The following THADA variants were observed in gnomAD, a reference collection of about 807,000 sequenced individuals.
The protein encoded by THADA is tRNA (32-2'-O)-methyltransferase regulator THADA.
THADA carries 213 observed loss-of-function variants against 219.8 expected under a neutral mutation model. The ratio of observed to expected loss-of-function variants is 0.97; its 90% CI spans 0.87 to 1.09. The LOEUF is 1.09. THADA is among the 50% of genes least tolerant of loss of function. The pLI is 0.00. For missense variants in THADA, 2,956 were observed against 2,311.3 expected, an observed-to-expected ratio of 1.28 and a Z score of -5.72; for synonymous variants, 1,018 against 828.9, an observed-to-expected ratio of 1.23 and a Z score of -3.92.
chr2:43,313,892 G>C lies in THADA; in HGVS notation c.4438+6554C>G, dbSNP rs116442117. Among the ~76,000 whole-genome samples the C allele has an allele frequency of 9.8e-3, 1,499 of 152,338 alleles. 25 individuals carry two copies. The highest frequency in any genetic ancestry group is 0.034 in the African/African-American group (1,425 of 41,574). ...CAGTGAGGGCAGCTGGAGAGCTCAGGATCTGCCACCTTAGCACACATGGGA... is the reference window on the plus strand; with the variant it reads ...CAGTGAGGGCAGCTGGAGAGCTCAGCATCTGCCACCTTAGCACACATGGGA... On this transcript the variant is annotated intron_variant, in intron 31 of 37. Transcript: ENST00000405975.
intron 29 of THADA, among the ~76,000 whole-genome samples, chr2:43,394,971 T>G (rs1673851308): frequency 6.6e-6 from 1 of 152,204 alleles, no homozygotes. Context: ...TTTCACATTT[T>G]ATCTAGCAGA....
intron 29 of THADA, among the ~76,000 whole-genome samples, chr2:43,353,606 A>G (rs1273886945): frequency 6.6e-6 from 1 of 152,130 alleles, no homozygotes; most frequent in East Asian, 1.9e-4. Flanking sequence ...TATCTGATAC[A>G]TGGCTTGCAA....
chr2:43,436,114 G>A (rs751928648), intron 26 of THADA, among the ~76,000 whole-genome samples: 8 of 152,138 alleles, frequency 5.3e-5, no homozygotes, highest in Non-Finnish European at 1.0e-4. Flanking sequence ...AGTACATAAA[G>A]GGTCTCTGTA....
At chr2:43,423,392 A>G (rs1489871713) in intron 28 of THADA, among the ~76,000 whole-genome samples, 1 of 151,364 alleles carries the variant, frequency 6.6e-6, no homozygotes, top group African/African-American at 2.4e-5. Context: ...CAGTCTTTTG[A>G]CTTCATATAC....
At chr2:43,262,513 A>G (rs999057786) in intron 36 of THADA, among the ~76,000 whole-genome samples, 1 of 152,186 alleles carries the variant, frequency 6.6e-6, no homozygotes, top group African/African-American at 2.4e-5. Flanking sequence ...CACTTGAGAG[A>G]GAAAAAAACT....
At chr2:43,245,447 A>T (rs981336870) in intron 36 of THADA, among the ~76,000 whole-genome samples, 5 of 152,162 alleles carry the variant, frequency 3.3e-5, no homozygotes, top group African/African-American at 1.2e-4. Flanking sequence ...TGCTGGGATT[A>T]TAGGCATGAG....
At chr2:43,470,147 G>C (rs1684730521) in intron 26 of THADA, among the ~76,000 whole-genome samples, 1 of 149,684 alleles carries the variant, frequency 6.7e-6, no homozygotes, top group South Asian at 2.1e-4. Flanking sequence ...GGTCGAGGCA[G>C]CAGTGGGCTG....
chr2:43,441,103 G>A (rs1011043359), intron 26 of THADA, among the ~76,000 whole-genome samples: 1 of 152,172 alleles, frequency 6.6e-6, no homozygotes, highest in Non-Finnish European at 1.5e-5. Flanking sequence ...TAAAATTATT[G>A]TGGCCATGCC....
At chr2:43,320,404 A>G (rs376290710) in intron 31 of THADA, 42 bp downstream of exon 31, 1 of 1,479,698 alleles carries the variant, frequency 6.8e-7, no homozygotes, top group African/African-American at 1.4e-5. Flanking sequence ...CATTTCAAAG[A>G]TGTGTAACGA....
chr2:43,590,740 TTA>T, intron 4 of THADA, 82 bp downstream of exon 4: 1 of 1,483,106 alleles, frequency 6.7e-7, no homozygotes, highest in Non-Finnish European at 9.2e-7. Flanking sequence ...CAGTTCAGTT[TTA>T]TCAAACCAAG....
At chr2:43,487,667 G>A (rs951395349) in intron 25 of THADA, among the ~76,000 whole-genome samples, 1 of 152,130 alleles carries the variant, frequency 6.6e-6, no homozygotes, top group African/African-American at 2.4e-5. Context: ...TAAGTCATGG[G>A]GGTAGAGCTC....
chr2:43,237,695 G>A (rs1334744797), intron 36 of THADA, among the ~76,000 whole-genome samples: 3 of 151,370 alleles, frequency 2.0e-5, no homozygotes, highest in Non-Finnish European at 2.9e-5. Context: ...CACCACGCCC[G>A]GCCTTGAGCC....
intron 28 of THADA, among the ~76,000 whole-genome samples, chr2:43,421,453 G>A (rs1318782195): frequency 6.6e-6 from 1 of 152,136 alleles, no homozygotes; most frequent in Non-Finnish European, 1.5e-5. Flanking sequence ...CAACAGTACT[G>A]GCAAAGCCCT....
At chr2:43,374,719 T>C (rs1671182972) in intron 29 of THADA, among the ~76,000 whole-genome samples, 1 of 152,170 alleles carries the variant, frequency 6.6e-6, no homozygotes, top group African/African-American at 2.4e-5. Flanking sequence ...AAATATGTTA[T>C]ATATAGTTAA....
intron 36 of THADA, among the ~76,000 whole-genome samples, chr2:43,263,093 C>T (rs1028848126): frequency 1.5e-4 from 23 of 152,170 alleles, no homozygotes; most frequent in Admixed American, 9.8e-4. Context: ...TACCCCAACT[C>T]GACACTCCTC....
chr2:43,266,733 C>G (rs1453675586), intron 36 of THADA, among the ~76,000 whole-genome samples: 2 of 152,156 alleles, frequency 1.3e-5, no homozygotes, highest in East Asian at 3.9e-4. Context: ...CAGTGTGGGT[C>G]TGACTCAAGG....
At chr2:43,292,041 T>G (rs915360803) in intron 33 of THADA, 63 bp downstream of exon 33, 19 of 1,133,518 alleles carry the variant, frequency 1.7e-5, no homozygotes, top group Non-Finnish European at 2.4e-5. Context: ...GCAAGTTCAT[T>G]ACATAATGAC....
intron 28 of THADA, among the ~76,000 whole-genome samples, chr2:43,413,451 T>C (rs990460798): frequency 3.9e-5 from 6 of 152,200 alleles, no homozygotes; most frequent in Non-Finnish European, 5.9e-5. Flanking sequence ...GAGATACAAA[T>C]TTAATACGGT....
At chr2:43,343,422 TG>T (rs1558611957) in intron 30 of THADA, 1 of 152,190 alleles carries the variant, frequency 6.6e-6, no homozygotes, top group Non-Finnish European at 1.5e-5. Flanking sequence ...GCTACTCTGG[TG>T]GAACTTACAG....
Sources: allele counts gnomAD v4.1 joint callset (sites outside exome capture counted in the v4.1 genomes callset), GRCh38; gene constraint gnomAD v4.1.1; transcripts MANE v1.5; gene names NCBI Gene and HGNC (gene_info 2026-07-23, HGNC 2026-07-21).